The following ULK4 variants were observed in gnomAD, a reference collection of about 807,000 sequenced individuals.
The protein encoded by ULK4 is inactive serine/threonine-protein kinase ULK4.
A neutral mutation model predicts 160.6 loss-of-function variants in ULK4; 133 were observed. The observed-to-expected ratio is 0.83, with a 90% CI of 0.72 to 0.96. The LOEUF is 0.96. Among genes scored for constraint, ULK4 ranks in the 40% least tolerant of loss-of-function variants. ULK4 has a pLI of 0.00. For missense variants in ULK4, 1,580 were observed against 1,499.5 expected (o/e 1.05, Z -0.89); for synonymous variants, 534 against 539.8 (o/e 0.99, Z 0.15).
At chr3:41,859,186 A>G (rs544373437) in intron 17 of ULK4, among the ~76,000 whole-genome samples, 1 of 152,232 alleles carries the variant, frequency 6.6e-6, no homozygotes, top group Non-Finnish European at 1.5e-5. Flanking sequence ...AAAACACTTC[A>G]TTGTAGAATA....
intron 32 of ULK4, among the ~76,000 whole-genome samples, chr3:41,480,002 T>A (rs1451048275): frequency 6.6e-6 from 1 of 152,014 alleles, no homozygotes; most frequent in Non-Finnish European, 1.5e-5. Flanking sequence ...GGTCAGGAGA[T>A]CAAGACCATC....
chr3:41,636,204 A>AC, intron 30 of ULK4, among the ~76,000 whole-genome samples: 3 of 152,278 alleles, frequency 2.0e-5, no homozygotes, highest in Middle Eastern at 3.4e-3. Flanking sequence ...CCTGTGAAGC[A>AC]CCCAACACTG....
chr3:41,883,078 C>G (rs1482693333), intron 17 of ULK4, among the ~76,000 whole-genome samples: 5 of 152,128 alleles, frequency 3.3e-5, no homozygotes, highest in African/African-American at 1.2e-4. Flanking sequence ...GAATTGTAAG[C>G]AAGGGAAATA....
intron 32 of ULK4, among the ~76,000 whole-genome samples, chr3:41,500,222 G>C (rs997980707): frequency 7.0e-6 from 1 of 143,690 alleles, no homozygotes; most frequent in African/African-American, 2.5e-5. Context: ...ACTTCCTTCA[G>C]GGTTTTTTTT....
intron 31 of ULK4, among the ~76,000 whole-genome samples, chr3:41,596,972 T>C (rs757611875): frequency 2.6e-5 from 4 of 152,138 alleles, no homozygotes; most frequent in African/African-American, 4.8e-5. Flanking sequence ...CATCCCTGAC[T>C]TCTACGCTCT....
intron 4 of ULK4, among the ~76,000 whole-genome samples, chr3:41,934,006 C>G (rs1422821855): frequency 1.3e-5 from 2 of 151,962 alleles, no homozygotes; most frequent in Non-Finnish European, 2.9e-5. Flanking sequence ...CCACTGCACT[C>G]CAGCCTGGGC....
intron 31 of ULK4, among the ~76,000 whole-genome samples, chr3:41,573,106 G>A (rs1041041778): frequency 1.3e-5 from 2 of 152,144 alleles, no homozygotes; most frequent in Non-Finnish European, 2.9e-5. Flanking sequence ...AACACTTGAT[G>A]GCTCTAATAA....
At chr3:41,705,457 AC>A in intron 25 of ULK4, 152 bp from the exon 26 acceptor site, 1 of 421,256 alleles carries the variant, frequency 2.4e-6, no homozygotes, top group Non-Finnish European at 4.1e-6. Flanking sequence ...TATTATAGTT[AC>A]AAAAGTATAT....
At chr3:41,256,554 CAT>C (rs1253180624) in intron 35 of ULK4, among the ~76,000 whole-genome samples, 4 of 152,172 alleles carry the variant, frequency 2.6e-5, no homozygotes, top group Non-Finnish European at 5.9e-5. Flanking sequence ...TCAACCTAGA[CAT>C]ATATTTTACA....
intron 31 of ULK4, among the ~76,000 whole-genome samples, chr3:41,590,782 A>G (rs1424298777): frequency 7.1e-6 from 1 of 139,936 alleles, no homozygotes; most frequent in Admixed American, 6.9e-5. Flanking sequence ...GTACAGAAAG[A>G]AAAAAAAAAA....
chr3:41,397,501 T>C (rs576660360), intron 35 of ULK4, among the ~76,000 whole-genome samples: 4 of 152,232 alleles, frequency 2.6e-5, no homozygotes, highest in African/African-American at 9.6e-5. Flanking sequence ...ACTTCTAGAG[T>C]ACTAACAAAC....
chr3:41,717,649 A>G, intron 23 of ULK4, 79 bp downstream of exon 23: 1 of 1,538,054 alleles, frequency 6.5e-7, no homozygotes, highest in Non-Finnish European at 8.9e-7. Context: ...AGTAAGAATA[A>G]AAAAGAACTG....
intron 35 of ULK4, among the ~76,000 whole-genome samples, chr3:41,349,665 T>C (rs975475889): frequency 1.3e-5 from 2 of 152,146 alleles, no homozygotes; most frequent in Non-Finnish European, 2.9e-5. Flanking sequence ...AAAGGCAAAG[T>C]AGGGCAAAAA....
At chr3:41,772,026 C>A (rs1354964159) in intron 21 of ULK4, among the ~76,000 whole-genome samples, 1 of 152,036 alleles carries the variant, frequency 6.6e-6, no homozygotes, top group East Asian at 1.9e-4. Flanking sequence ...TGGGTTACCA[C>A]CACAGCTATT....
chr3:41,278,700 C>A (rs1472046197), intron 35 of ULK4, among the ~76,000 whole-genome samples: 1 of 152,182 alleles, frequency 6.6e-6, no homozygotes. Context: ...AGACCTGCAC[C>A]TGAGGGGCCT....
chr3:41,300,837 T>TTACA (rs1553640530), intron 35 of ULK4, among the ~76,000 whole-genome samples: 55 of 57,876 alleles, frequency 9.5e-4, no homozygotes, highest in African/African-American at 2.4e-3. Context: ...ATTTTACAGA[T>TTACA]TATATATATA....
At chr3:41,317,924 T>A (rs1443618722) in intron 35 of ULK4, among the ~76,000 whole-genome samples, 1 of 152,188 alleles carries the variant, frequency 6.6e-6, no homozygotes, top group East Asian at 1.9e-4. Context: ...TCCTTTTATA[T>A]CTTCTTCCTG....
intron 3 of ULK4, among the ~76,000 whole-genome samples, chr3:41,936,274 A>G (rs1559661801): frequency 1.3e-5 from 2 of 152,270 alleles, no homozygotes; most frequent in Non-Finnish European, 2.9e-5. Context: ...CACATTATGC[A>G]AAGTATAGTA....
chr3:41,863,540 G>A (rs1428546604), intron 17 of ULK4, among the ~76,000 whole-genome samples: 1 of 151,138 alleles, frequency 6.6e-6, no homozygotes, highest in Non-Finnish European at 1.5e-5. Flanking sequence ...ACCACAACTA[G>A]TTATGTGGTA....
Sources: allele counts gnomAD v4.1 joint callset (sites outside exome capture counted in the v4.1 genomes callset), GRCh38; gene constraint gnomAD v4.1.1; transcripts MANE v1.5; gene names NCBI Gene and HGNC (gene_info 2026-07-23, HGNC 2026-07-21).